Variants in TTC29 observed in about 807,000 individuals in gnomAD.
TTC29 encodes the protein tetratricopeptide repeat protein 29.
A neutral mutation model predicts 58.1 loss-of-function variants in TTC29; 49 were observed. That is an observed-to-expected ratio of 0.84 (90% CI 0.67 to 1.07). The LOEUF (loss-of-function observed/expected upper bound fraction) is 1.07. Among genes scored for constraint, TTC29 ranks in the 50% least tolerant of loss-of-function variants. TTC29 has a pLI of 0.00. For synonymous variants in TTC29, 209 were observed against 196.8 expected (o/e 1.06, Z -0.52); for missense variants, 582 against 555.6 (o/e 1.05, Z -0.48).
intron 7 of TTC29, among the ~76,000 whole-genome samples, chr4:146,869,238 G>A (rs377695786): frequency 4.4e-4 from 67 of 152,146 alleles, no homozygotes; most frequent in African/African-American, 1.6e-3. Flanking sequence ...AAGGATGTCA[G>A]CAGGAACAAT....
intron 8 of TTC29, among the ~76,000 whole-genome samples, chr4:146,854,042 C>A (rs1008555863): frequency 1.8e-4 from 27 of 152,094 alleles, no homozygotes. Flanking sequence ...CTCATCCCTC[C>A]CCTGGGATAA....
intron 8 of TTC29, among the ~76,000 whole-genome samples, chr4:146,853,731 T>C (rs1226570145): frequency 1.3e-5 from 2 of 152,192 alleles, no homozygotes; most frequent in African/African-American, 4.8e-5. Context: ...AACAAAGCTA[T>C]CATTTACTGA....
At chr4:146,896,061 T>C (rs1354678565) in intron 6 of TTC29, among the ~76,000 whole-genome samples, 2 of 152,194 alleles carry the variant, frequency 1.3e-5, no homozygotes, top group African/African-American at 4.8e-5. Flanking sequence ...AAATTACTAA[T>C]GTGCGATTTT....
chr4:146,928,503 T>G (rs774666466), intron 4 of TTC29, among the ~76,000 whole-genome samples: 4 of 152,198 alleles, frequency 2.6e-5, no homozygotes, highest in Non-Finnish European at 4.4e-5. Context: ...GGAAACAGTA[T>G]GCACAGGCTG....
At chr4:146,862,055 T>A (rs1014022353) in intron 8 of TTC29, among the ~76,000 whole-genome samples, 2 of 152,126 alleles carry the variant, frequency 1.3e-5, no homozygotes, top group Admixed American at 6.5e-5. Context: ...AGCTACACTA[T>A]GACAGGACCA....
At chr4:146,778,965 T>C (rs1748337862) in intron 11 of TTC29, among the ~76,000 whole-genome samples, 1 of 84,794 alleles carries the variant, frequency 1.2e-5, no homozygotes, top group Non-Finnish European at 2.0e-5. Context: ...GCACTTGTAC[T>C]CCTAAATAAG....
chr4:146,783,126 A>G (rs1246505731), intron 11 of TTC29, among the ~76,000 whole-genome samples: 1 of 152,034 alleles, frequency 6.6e-6, no homozygotes, highest in Non-Finnish European at 1.5e-5. Context: ...ATAATTGTAT[A>G]TATTTATGGT....
chr4:146,891,269 A>G (rs777634290), intron 6 of TTC29, among the ~76,000 whole-genome samples: 1 of 152,204 alleles, frequency 6.6e-6, no homozygotes, highest in Non-Finnish European at 1.5e-5. Context: ...TTTTTAAAAT[A>G]TATAATGTTG....
At chr4:146,896,409 T>C (rs1229222102) in intron 6 of TTC29, among the ~76,000 whole-genome samples, 5 of 152,176 alleles carry the variant, frequency 3.3e-5, no homozygotes, top group Non-Finnish European at 5.9e-5. Context: ...TGAATACTTG[T>C]TTAATTTTTA....
intron 11 of TTC29, among the ~76,000 whole-genome samples, chr4:146,760,760 A>ATG (rs1746826415): frequency 6.9e-6 from 1 of 145,266 alleles, no homozygotes; most frequent in African/African-American, 2.5e-5. Context: ...ATGTGTATAT[A>ATG]TATATATATG....
chr4:146,841,384 G>C (rs1053992244), intron 8 of TTC29, among the ~76,000 whole-genome samples: 10 of 152,110 alleles, frequency 6.6e-5, no homozygotes, highest in African/African-American at 2.2e-4. Context: ...ACACAGGTCA[G>C]TGACATGAAT....
chr4:146,903,482 C>T, intron 6 of TTC29, 62 bp downstream of exon 6: 6 of 1,423,286 alleles, frequency 4.2e-6, no homozygotes, highest in Non-Finnish European at 5.7e-6. Context: ...CGTGTTTTTC[C>T]ATTGTGTGAT....
chr4:146,726,246 G>A (rs1281040263), intron 11 of TTC29, among the ~76,000 whole-genome samples: 2 of 152,064 alleles, frequency 1.3e-5, no homozygotes, highest in Non-Finnish European at 2.9e-5. Flanking sequence ...TTGAGGCCAG[G>A]AGTTTCAGAC....
At chr4:146,816,050 G>T (rs1751382821) in intron 10 of TTC29, among the ~76,000 whole-genome samples, 1 of 152,130 alleles carries the variant, frequency 6.6e-6, no homozygotes, top group Non-Finnish European at 1.5e-5. Flanking sequence ...TCCGATTTTT[G>T]ATTCTTGGAG....
chr4:146,745,435 A>C (rs1294451855), intron 11 of TTC29, among the ~76,000 whole-genome samples: 1 of 152,230 alleles, frequency 6.6e-6, no homozygotes. Flanking sequence ...TAGCCATGGC[A>C]GTGTTCTCTG....
chr4:146,784,018 T>C (rs1748819039), intron 11 of TTC29, among the ~76,000 whole-genome samples: 1 of 151,646 alleles, frequency 6.6e-6, no homozygotes, highest in African/African-American at 2.4e-5. Context: ...GTGAATTAAC[T>C]CAGTAGCTTG....
In TTC29 at chr4:146,940,240, T is replaced by C. The variant is rs371097517; in HGVS notation, c.-6-339A>G. Among the ~76,000 whole-genome samples the C allele has an allele frequency of 8.7e-4, 133 of 152,334 alleles. 3 individuals carry two copies. The highest frequency in any genetic ancestry group is 2.6e-3 in the African/African-American group (108 of 41,578). On this transcript the variant is annotated intron_variant, in intron 2 of 12. Coordinates refer to ENST00000325106, the MANE Select transcript of TTC29 (RefSeq NM_031956.4). ...CATGATTGCAATTAAAGAATAAAGA[T>C]TTTAAGGATAGCTATGGATTTCCAA...
intron 8 of TTC29, among the ~76,000 whole-genome samples, chr4:146,835,379 T>C (rs575576892): frequency 1.3e-5 from 2 of 152,262 alleles, no homozygotes; most frequent in Admixed American, 1.3e-4. Flanking sequence ...CCTCTGAATT[T>C]TGTGAATTTA....
intron 11 of TTC29, among the ~76,000 whole-genome samples, chr4:146,737,916 C>T (rs1744844252): frequency 6.6e-6 from 1 of 152,154 alleles, no homozygotes; most frequent in African/African-American, 2.4e-5. Flanking sequence ...GATTTCTAAG[C>T]CAGAAACTGT....
Sources: allele counts gnomAD v4.1 joint callset (sites outside exome capture counted in the v4.1 genomes callset), GRCh38; gene constraint gnomAD v4.1.1; transcripts MANE v1.5; gene names NCBI Gene and HGNC (gene_info 2026-07-23, HGNC 2026-07-21).